LRFN5: variants seen among roughly 807,000 people sequenced by gnomAD.
LRFN5 encodes the protein leucine rich repeat and fibronectin type III domain containing 5.
Under a neutral mutation model 45.6 loss-of-function variants are expected in LRFN5, and 24 were observed. That is an observed-to-expected ratio of 0.53 (90% confidence interval 0.38 to 0.74). LRFN5 has a LOEUF of 0.74. Ranked by LOEUF, LRFN5 falls within the 30% of genes least tolerant of loss-of-function variation. The probability of loss-of-function intolerance (pLI) is 0.00; values close to 1 mark genes in which losing one functional copy is unlikely to be tolerated. For synonymous variants in LRFN5, 340 were observed against 313.8 expected (o/e 1.08, Z -0.88); for missense variants, 776 against 861.5 (o/e 0.90, Z 1.24).
intron 2 of LRFN5, among the ~76,000 whole-genome samples, chr14:41,868,799 A>G (rs1283119096): frequency 2.0e-5 from 3 of 152,162 alleles, no homozygotes; most frequent in African/African-American, 7.2e-5. Context: ...AAGTGCATAA[A>G]ACATACATGT....
intron 2 of LRFN5, among the ~76,000 whole-genome samples, chr14:41,822,167 CT>C (rs1888137771): frequency 2.0e-5 from 3 of 151,738 alleles, no homozygotes; most frequent in Admixed American, 2.0e-4. Flanking sequence ...GAATTTTTCT[CT>C]GTTCTTTGTT....
At chr14:41,626,575 A>G (rs1034345227) in intron 1 of LRFN5, among the ~76,000 whole-genome samples, 1 of 152,068 alleles carries the variant, frequency 6.6e-6, no homozygotes, top group African/African-American at 2.4e-5. Flanking sequence ...GATAAAGGAT[A>G]TGTCATTTGG....
intron 2 of LRFN5, among the ~76,000 whole-genome samples, chr14:41,777,809 T>C (rs1288762353): frequency 6.6e-6 from 1 of 151,818 alleles, no homozygotes; most frequent in Non-Finnish European, 1.5e-5. Context: ...CAATTGTCCC[T>C]TTTATTATCT....
intron 2 of LRFN5, among the ~76,000 whole-genome samples, chr14:41,886,019 C>CACA (rs1555329599): frequency 2.3e-5 from 2 of 88,778 alleles, no homozygotes; most frequent in African/African-American, 9.4e-5. Context: ...AGGCTCGTCT[C>CACA]AAAAAAAAAA....
rs1350620526 is a variant in LRFN5 at position 41,704,451 on chromosome 14, T to TGTGTGTGTGG, written c.-196-62394_-196-62393insGGTGTGTGTG. Among the ~76,000 whole-genome samples the TGTGTGTGTGG allele has an allele frequency of 3.2e-3, 483 of 149,842 alleles. 2 individuals carry two copies. Among genetic ancestry groups the TGTGTGTGTGG allele is most frequent in the Non-Finnish European group, 6.0e-3 (406 of 67,630 alleles). ...CTCTCTCTCTCTCTCTCTCTCTCTGTGTGTGTGTGTCTGTGAGATTTGAAG... is the reference window on the plus strand; with the variant it reads ...CTCTCTCTCTCTCTCTCTCTCTCTGTGTGTGTGTGGGTGTGTGTGTCTGTGAGATTTGAAG... On this transcript the variant is annotated intron_variant, in intron 1 of 5. Coordinates refer to ENST00000298119, the MANE Select transcript of LRFN5 (RefSeq NM_152447.5).
At chr14:41,878,366 A>G (rs559829500) in intron 2 of LRFN5, among the ~76,000 whole-genome samples, 8 of 152,232 alleles carry the variant, frequency 5.3e-5, no homozygotes, top group South Asian at 4.1e-4. Context: ...CTTTAACTCA[A>G]CATATAAATT....
At chr14:41,802,502 G>A (rs899485906) in intron 2 of LRFN5, among the ~76,000 whole-genome samples, 17 of 152,172 alleles carry the variant, frequency 1.1e-4, no homozygotes, top group Admixed American at 1.3e-4. Flanking sequence ...GCAATGCAAA[G>A]AGGAACACAA....
chr14:41,866,243 T>G (rs1025815215), intron 2 of LRFN5, among the ~76,000 whole-genome samples: 2 of 152,190 alleles, frequency 1.3e-5, no homozygotes, highest in Admixed American at 6.6e-5. Context: ...CCATCATTCA[T>G]TTTTCTTTCT....
At chr14:41,756,518 C>T (rs889265739) in intron 1 of LRFN5, among the ~76,000 whole-genome samples, 2 of 151,992 alleles carry the variant, frequency 1.3e-5, no homozygotes, top group African/African-American at 4.8e-5. Flanking sequence ...CATCTTCCAT[C>T]ACTGATACCC....
chr14:41,762,528 T>A (rs1396265965), intron 1 of LRFN5, among the ~76,000 whole-genome samples: 1 of 152,150 alleles, frequency 6.6e-6, no homozygotes, highest in African/African-American at 2.4e-5. Flanking sequence ...TTTAGCAGTA[T>A]TAATGGTGAG....
intron 1 of LRFN5, among the ~76,000 whole-genome samples, chr14:41,712,360 G>A (rs1883320471): frequency 6.6e-6 from 1 of 152,078 alleles, no homozygotes; most frequent in African/African-American, 2.4e-5. Context: ...CCAGGAGTTC[G>A]AGACCAGCTT....
intron 2 of LRFN5, among the ~76,000 whole-genome samples, chr14:41,808,418 AG>A: frequency 8.6e-6 from 1 of 115,982 alleles, no homozygotes; most frequent in African/African-American, 3.4e-5. Context: ...AAAGGAAGGA[AG>A]GAAGGAAGGA....
intron 1 of LRFN5, among the ~76,000 whole-genome samples, chr14:41,729,811 T>C (rs1566640486): frequency 6.6e-6 from 1 of 152,030 alleles, no homozygotes; most frequent in Non-Finnish European, 1.5e-5. Context: ...TATTCATTTT[T>C]TTAAAAAAAT....
At chr14:41,663,725 A>T (rs1192197242) in intron 1 of LRFN5, among the ~76,000 whole-genome samples, 1 of 151,934 alleles carries the variant, frequency 6.6e-6, no homozygotes, top group African/African-American at 2.4e-5. Context: ...TTTGGCAGTG[A>T]TTTATTCTTC....
At chr14:41,726,580 C>A (rs1883944519) in intron 1 of LRFN5, among the ~76,000 whole-genome samples, 1 of 152,082 alleles carries the variant, frequency 6.6e-6, no homozygotes, top group Non-Finnish European at 1.5e-5. Context: ...GTAGTCTGTT[C>A]TACTTAGTCA....
At chr14:41,853,917 T>C (rs1181776568) in intron 2 of LRFN5, among the ~76,000 whole-genome samples, 1 of 152,162 alleles carries the variant, frequency 6.6e-6, no homozygotes. Flanking sequence ...TTTCTTATTC[T>C]AAACCAATCA....
intron 1 of LRFN5, among the ~76,000 whole-genome samples, chr14:41,638,713 A>C (rs1327564910): frequency 3.9e-5 from 6 of 152,242 alleles, no homozygotes; most frequent in Admixed American, 3.9e-4. Context: ...TTTTAAAATT[A>C]ATGTAACCTA....
At chr14:41,664,786 G>A (rs1880820445) in intron 1 of LRFN5, among the ~76,000 whole-genome samples, 1 of 152,012 alleles carries the variant, frequency 6.6e-6, no homozygotes, top group South Asian at 2.1e-4. Context: ...CTCTGAGAGA[G>A]TTCTTTAAAA....
chr14:41,763,672 G>T (rs1297218173), intron 1 of LRFN5, among the ~76,000 whole-genome samples: 1 of 152,118 alleles, frequency 6.6e-6, no homozygotes, highest in African/African-American at 2.4e-5. Flanking sequence ...TTATAAAGGG[G>T]AGTTCCCCTG....
Sources: allele counts gnomAD v4.1 joint callset (sites outside exome capture counted in the v4.1 genomes callset), GRCh38; gene constraint gnomAD v4.1.1; transcripts MANE v1.5; gene names NCBI Gene and HGNC (gene_info 2026-07-23, HGNC 2026-07-21).